The following KLHL26 variants were observed in gnomAD, a reference collection of about 807,000 sequenced individuals.
The protein encoded by KLHL26 is kelch-like protein 26.
KLHL26 carries 4 observed loss-of-function variants against 7.1 expected under a neutral mutation model. That is an observed-to-expected ratio of 0.56 (90% CI 0.28 to 1.28). The LOEUF is 1.28. Ranked by LOEUF, KLHL26 falls within the 50% of genes most tolerant of loss-of-function variation. The pLI is 0.11. For synonymous variants in KLHL26, 465 were observed against 414.1 expected, an observed-to-expected ratio of 1.12 and a Z score of -1.49; for missense variants, 896 against 924.6, an observed-to-expected ratio of 0.97 and a Z score of 0.40.
Position 18,668,338 on chromosome 19 carries a change from T to G in KLHL26, c.941T>G (p.Phe314Cys). The G allele has an allele frequency of 6.2e-7, 1 of 1,608,842 alleles. No homozygotes were observed. The highest frequency in any genetic ancestry group is 8.5e-7 in the Non-Finnish European group (1 of 1,179,144). ...VRSDVPSLVTFGGTPYTDSDR... is the reference protein window; with the variant it reads ...VRSDVPSLVTCGGTPYTDSDR... ...TCGGATGTGCCCTCGCTCGTCACCTTCGGCGGCACGCCCTACACCGACAGC... is the reference window on the plus strand; with the variant it reads ...TCGGATGTGCCCTCGCTCGTCACCTGCGGCGGCACGCCCTACACCGACAGC... The change falls in exon 3 of 3, where the codon TTC becomes TGC. Residue 314 changes from phenylalanine (F) to cysteine (C), a missense_variant. Coordinates refer to ENST00000300976, the MANE Select transcript of KLHL26 (RefSeq NM_018316.3).
rs756472017 is a variant in KLHL26, at chr19:18,667,945, C to T, written c.548C>T (p.Ser183Leu). 1.2e-6 allele frequency: 2 copies of T among 1,610,148 alleles called. No homozygotes were observed. Among genetic ancestry groups the T allele is most frequent in the Non-Finnish European group, 1.7e-6 (2 of 1,179,984 alleles). ...TTFSLASLRE[S>L]VDAFTFRHFL... ...TTCAGCCTGGCCTCGCTGCGAGAGT[C>T]GGTGGATGCCTTCACCTTCCGGCAC... The change falls in exon 3 of 3, where the codon TCG (serine) becomes TTG (leucine). Residue 183 changes from serine to leucine, a missense_variant. By Grantham distance (145) the Ser-to-Leu change is moderately radical. Transcript: ENST00000300976.
At chr19:18,662,236 C>T (rs2052398750) in intron 1 of KLHL26, among the ~76,000 whole-genome samples, 1 of 152,176 alleles carries the variant, frequency 6.6e-6, no homozygotes, top group Admixed American at 6.5e-5. Context: ...CCCCGCAAAT[C>T]TCCTTGAACT....
chr19:18,658,890 C>T (rs1568460337), intron 1 of KLHL26, among the ~76,000 whole-genome samples: 1 of 150,752 alleles, frequency 6.6e-6, no homozygotes, highest in Non-Finnish European at 1.5e-5. Flanking sequence ...CTCCCTCTCT[C>T]TGGGTCTCTG....
intron 1 of KLHL26, among the ~76,000 whole-genome samples, chr19:18,652,786 T>C (rs10854003): frequency 0.72 from 109,033 of 151,980 alleles, 40,175 homozygotes; most frequent in African/African-American, 0.9. Flanking sequence ...CAGAACAGCC[T>C]CCACGAACCA....
rs773392016 is a variant in KLHL26 at position 18,650,002 on chromosome 19, G to C, written c.83+12865G>C. ...GGAGGAAGTAACCAGCACCTTGGGG[G>C]AATCACAGACCTTTCCTGCGAGGGC... On this transcript the variant is annotated intron_variant, in intron 1 of 2. Coordinates refer to ENST00000300976, the MANE Select transcript of KLHL26 (RefSeq NM_018316.3). The surrounding 1 kb of genome is among the most constrained non-coding windows in gnomAD (Gnocchi z 4.2). Among the ~76,000 whole-genome samples the C allele has an allele frequency of 3.3e-5, 5 of 152,228 alleles. No homozygotes were observed. Among genetic ancestry groups the C allele is most frequent in the Non-Finnish European group, 7.3e-5 (5 of 68,034 alleles).
At chr19:18,637,905 C>T (rs953723609) in intron 1 of KLHL26, among the ~76,000 whole-genome samples, 3 of 152,156 alleles carry the variant, frequency 2.0e-5, no homozygotes, top group Non-Finnish European at 2.9e-5. Flanking sequence ...CAGAGGGAGG[C>T]CCCCTTTCCC....
At chr19:18,662,913 G>A (rs2052406103) in intron 1 of KLHL26, among the ~76,000 whole-genome samples, 1 of 152,062 alleles carries the variant, frequency 6.6e-6, no homozygotes, top group East Asian at 1.9e-4. Flanking sequence ...GAAAGGCCAC[G>A]GGGACAAGCC....
rs1405588858 is a variant in KLHL26, at chr19:18,649,334, CA to C, written c.83+12198del. On this transcript the variant is annotated intron_variant, in intron 1 of 2. Coordinates refer to ENST00000300976, the MANE Select transcript of KLHL26 (RefSeq NM_018316.3). This position sits in a 1 kb window ranked among gnomAD's most constrained non-coding sequence, Gnocchi z 4.0. The stretch of plus-strand genomic sequence containing the variant: ...GATCCAGTGAGTACCCCACCCCGAA[CA>C]GTCTTCGATGCATACCAGAGGGGAA... Among the ~76,000 whole-genome samples the C allele has an allele frequency of 2.2e-5, 3 of 137,304 alleles. No homozygotes were observed. The highest frequency in any genetic ancestry group is 8.1e-3 in the Middle Eastern group (2 of 246). The allele number at this position is 137,304 out of a possible 152,430, so 90.1% of individuals were successfully genotyped here. A position where few individuals can be genotyped will look rare whatever the true frequency, so the allele number is the denominator to read the frequency against.
In KLHL26 at chr19:18,667,687, G is replaced by A; in HGVS notation, c.290G>A (p.Arg97Gln). 4 of 1,611,956 alleles carry A rather than the reference G, an allele frequency of 2.5e-6. No homozygotes were observed. Among genetic ancestry groups the A allele is most frequent in the Non-Finnish European group, 3.4e-6 (4 of 1,179,214 alleles). ...AGGGCCATGTTCACCGGCGGCATGC[G>A]GGAGGCAAGCCAGGACGTCATCGAG... ...YFRAMFTGGMREASQDVIELK... is the reference protein window; with the variant it reads ...YFRAMFTGGMQEASQDVIELK... The change falls in exon 3 of 3, where the codon CGG (arginine) becomes CAG (glutamine). Residue 97 changes from arginine (R) to glutamine (Q), a missense_variant. Physicochemically the swap from Arg to Gln is conservative, Grantham distance 43 (BLOSUM62 1). Coordinates refer to ENST00000300976, the MANE Select transcript of KLHL26 (RefSeq NM_018316.3).
intron 1 of KLHL26, among the ~76,000 whole-genome samples, chr19:18,647,202 C>T (rs1338369184): frequency 6.6e-6 from 1 of 152,234 alleles, no homozygotes; most frequent in African/African-American, 2.4e-5. Flanking sequence ...TCGTGCAGTG[C>T]GATCGTCACA....
rs1187823228 is a variant in KLHL26, at chr19:18,649,790, G to A, written c.83+12653G>A. Among the ~76,000 whole-genome samples, 1 of 151,708 alleles carries A rather than the reference G, an allele frequency of 6.6e-6. No homozygotes were observed. The highest frequency in any genetic ancestry group is 2.4e-5 in the African/African-American group (1 of 41,228). ...CCCCGCCCCTTCCACATGTCTCTCC[G>A]GAGAGGGCCGCACAGAATTCACAGG... On this transcript the variant is annotated intron_variant, in intron 1 of 2. Coordinates refer to ENST00000300976, the MANE Select transcript of KLHL26 (RefSeq NM_018316.3). This position sits in a 1 kb window ranked among gnomAD's most constrained non-coding sequence, Gnocchi z 4.0.
chr19:18,666,764 C>T (rs1402296322), intron 2 of KLHL26, among the ~76,000 whole-genome samples: 1 of 152,208 alleles, frequency 6.6e-6, no homozygotes, highest in Non-Finnish European at 1.5e-5. Flanking sequence ...ATTACCTTCC[C>T]CTCTTCACAT....
chr19:18,667,513 G>C, intron 2 of KLHL26, 151 bp from the exon 3 acceptor site: 1 of 1,371,750 alleles, frequency 7.3e-7, no homozygotes, highest in Non-Finnish European at 9.6e-7. Flanking sequence ...CCCTTTGCAT[G>C]TTTTTAATGA....
rs559206312 is a variant in KLHL26 at position 18,650,693 on chromosome 19, C to T, written c.83+13556C>T. ...CCGGGCCCCTTTGCCGTTCCAGCCT[C>T]AGTCACGCCTCCAGTCTGTTAGCAT... On this transcript the variant is annotated intron_variant, in intron 1 of 2. Coordinates refer to ENST00000300976, the MANE Select transcript of KLHL26 (RefSeq NM_018316.3). This position sits in a 1 kb window ranked among gnomAD's most constrained non-coding sequence, Gnocchi z 4.2. Among the ~76,000 whole-genome samples, 1 of 152,352 alleles carries T rather than the reference C, an allele frequency of 6.6e-6. No homozygotes were observed. The highest frequency in any genetic ancestry group is 2.1e-4 in the South Asian group (1 of 4,830).
intron 1 of KLHL26, among the ~76,000 whole-genome samples, chr19:18,654,595 ATTCATCCGTCCATCCG>A (rs1476518009): frequency 6.7e-6 from 1 of 149,978 alleles, no homozygotes; most frequent in East Asian, 2.0e-4. Context: ...CCACCCATCC[ATTCATCCGTCCATCCG>A]TTCATCCACC....
In KLHL26 at chr19:18,648,218, A is replaced by C. The variant is rs940996066; in HGVS notation, c.83+11081A>C. Among the ~76,000 whole-genome samples the C allele has an allele frequency of 6.6e-6, 1 of 152,120 alleles. No homozygotes were observed. The highest frequency in any genetic ancestry group is 1.5e-5 in the Non-Finnish European group (1 of 68,016). ...ATCCAGTCTCTACTAAAAATACACA[A>C]AACTAGCTGGGCGCAGTGGCGGGTG... On this transcript the variant is annotated intron_variant, in intron 1 of 2. Coordinates refer to ENST00000300976, the MANE Select transcript of KLHL26 (RefSeq NM_018316.3). The surrounding 1 kb of genome is among the most constrained non-coding windows in gnomAD (Gnocchi z 4.9).
chr19:18,665,568 A>G (rs1388847720), intron 2 of KLHL26, among the ~76,000 whole-genome samples: 1 of 152,228 alleles, frequency 6.6e-6, no homozygotes. Context: ...TCTGAGGCCC[A>G]GATGAGTTCT....
chr19:18,658,661 C>T (rs970716393), intron 1 of KLHL26, among the ~76,000 whole-genome samples: 6 of 150,626 alleles, frequency 4.0e-5, no homozygotes, highest in Non-Finnish European at 7.4e-5. Flanking sequence ...TCCTCTCTCC[C>T]TGGGTGTCTC....
chr19:18,647,835 T>TG (rs915363979), intron 1 of KLHL26, among the ~76,000 whole-genome samples: 8 of 152,196 alleles, frequency 5.3e-5, no homozygotes, highest in African/African-American at 1.9e-4. Context: ...CTTTGCTCTG[T>TG]GGACAGGATT....
Sources: gnomAD v4.1 joint callset for allele counts (sites outside exome capture counted in the v4.1 genomes callset) on GRCh38, gnomAD v4.1.1 for gene constraint, Gnocchi (gnomAD v3.1) non-coding constraint, MANE v1.5 for transcripts, NCBI Gene and HGNC (gene_info 2026-07-23, HGNC 2026-07-21) for gene names.